POLA1: variants seen among roughly 807,000 people sequenced by gnomAD.
POLA1 encodes DNA polymerase alpha 1, catalytic subunit.
In POLA1, 15 loss-of-function variants were observed where a neutral mutation model predicts 124.0. The ratio of observed to expected loss-of-function variants is 0.12; its 90% CI spans 0.08 to 0.19. The LOEUF is 0.19. Ranked by LOEUF, POLA1 falls within the 10% of genes least tolerant of loss-of-function variation. The probability of loss-of-function intolerance (pLI) is 1.00; values close to 1 mark genes in which losing one functional copy is unlikely to be tolerated. For missense variants in POLA1, 886 were observed against 1,103.4 expected (o/e 0.80, Z 2.79); for synonymous variants, 408 against 389.4 (o/e 1.05, Z -0.56).
chrX:24,754,097 C>T (rs1932465004), intron 26 of POLA1, among the ~76,000 whole-genome samples: 1 of 111,845 alleles, frequency 8.9e-6, no homozygotes, highest in Middle Eastern at 4.2e-3. Context: ...GGAAATGGCA[C>T]TAGGACAGAG....
At chrX:24,956,120 C>G (rs915325310) in intron 36 of POLA1, among the ~76,000 whole-genome samples, 2 of 107,876 alleles carry the variant, frequency 1.9e-5, no homozygotes, top group African/African-American at 3.4e-5. Context: ...ATAGTGAGAC[C>G]CCACCTCTTA....
intron 26 of POLA1, among the ~76,000 whole-genome samples, chrX:24,755,864 C>A (rs1007429181): frequency 1.3e-4 from 15 of 112,215 alleles, no homozygotes; most frequent in African/African-American, 3.6e-4. Context: ...AGTTAGGAAT[C>A]TAATTGTACT....
chrX:24,949,745 T>C (rs112241493), intron 36 of POLA1, among the ~76,000 whole-genome samples: 4,450 of 107,907 alleles, frequency 0.041, 238 homozygotes, highest in African/African-American at 0.14. Flanking sequence ...TTTTTCTTTT[T>C]TTTTTTTAAG....
chrX:24,836,681 T>C (rs1278288585), intron 32 of POLA1, among the ~76,000 whole-genome samples: 1 of 112,018 alleles, frequency 8.9e-6, no homozygotes, highest in African/African-American at 3.2e-5. Flanking sequence ...TGTTGTCCTG[T>C]TGGCTTTTCT....
intron 36 of POLA1, among the ~76,000 whole-genome samples, chrX:24,961,303 C>A (rs1460645128): frequency 8.9e-6 from 1 of 111,772 alleles, no homozygotes; most frequent in South Asian, 3.8e-4. Context: ...CCTTCTCAAT[C>A]TCTAAAATAA....
At chrX:24,992,188 G>T (rs2048542238) in intron 36 of POLA1, among the ~76,000 whole-genome samples, 1 of 111,340 alleles carries the variant, frequency 9.0e-6, no homozygotes, top group South Asian at 3.8e-4. Context: ...GCTCTCTGTA[G>T]GTCGGATGGC....
At chrX:24,749,037 T>G in intron 26 of POLA1, 45 bp downstream of exon 26, 1 of 1,052,725 alleles carries the variant, frequency 9.5e-7, no homozygotes, top group Non-Finnish European at 1.3e-6. Context: ...TGAGAGTATT[T>G]TTAACTATAC....
chrX:24,831,820 A>G (rs946313357), intron 32 of POLA1, among the ~76,000 whole-genome samples: 7 of 112,648 alleles, frequency 6.2e-5, no homozygotes, highest in African/African-American at 2.3e-4. Context: ...ATCAGCTGAT[A>G]AGAGCATCTC....
At chrX:24,974,346 A>G (rs1168512551) in intron 36 of POLA1, among the ~76,000 whole-genome samples, 2 of 111,955 alleles carry the variant, frequency 1.8e-5, no homozygotes, top group African/African-American at 6.5e-5. Context: ...AGACCCACAA[A>G]TAATGATTGG....
Position 24,703,359 on chromosome X carries a change from G to A in POLA1, c.265+12G>A, listed in dbSNP as rs769368764. On this transcript the variant is annotated intron_variant, in intron 3 of 36. Transcript: ENST00000379068. ...GATTGTGGATGATGGTAGGTGGGGC[G>A]GAGGTGGGGGCGGGGATGTTGCTTC... The A allele has an allele frequency of 2.0e-5, 22 of 1,100,202 alleles. No individual in the cohort carries two copies. Among genetic ancestry groups the A allele is most frequent in the East Asian group, 9.0e-5 (3 of 33,322 alleles). 90.7% of individuals were successfully genotyped at this position (1,100,202 alleles called of 1,213,427 possible).
intron 35 of POLA1, among the ~76,000 whole-genome samples, chrX:24,894,233 G>T (rs1263531986): frequency 8.9e-6 from 1 of 112,145 alleles, no homozygotes; most frequent in Non-Finnish European, 1.9e-5. Flanking sequence ...CCTTTTCTAG[G>T]TAGTAAATTT....
At chrX:24,907,664 A>G (rs1030044235) in intron 35 of POLA1, among the ~76,000 whole-genome samples, 1 of 112,083 alleles carries the variant, frequency 8.9e-6, no homozygotes, top group Non-Finnish European at 1.9e-5. Flanking sequence ...TGAAAGAAAG[A>G]CATTCTCAGA....
At chrX:24,844,900 C>T (rs1385576207) in intron 34 of POLA1, among the ~76,000 whole-genome samples, 1 of 111,528 alleles carries the variant, frequency 9.0e-6, no homozygotes, top group African/African-American at 3.3e-5. Context: ...TCCTCATTTA[C>T]AGGCCTCATT....
chrX:24,814,205 T>G (rs2045952830), intron 29 of POLA1, among the ~76,000 whole-genome samples: 2 of 112,545 alleles, frequency 1.8e-5, no homozygotes, highest in Middle Eastern at 4.6e-3. Flanking sequence ...AGACGCATCA[T>G]AATAGAAGTA....
intron 35 of POLA1, among the ~76,000 whole-genome samples, chrX:24,911,562 G>A (rs1352953492): frequency 9.1e-6 from 1 of 110,099 alleles, no homozygotes; most frequent in South Asian, 3.9e-4. Context: ...AGAAAAAGAA[G>A]AGTAAAAGCC....
chrX:24,875,109 G>A (rs1027351759), intron 34 of POLA1, among the ~76,000 whole-genome samples: 1 of 110,783 alleles, frequency 9.0e-6, no homozygotes, highest in African/African-American at 3.3e-5. Context: ...TCAGCCAGTT[G>A]GCAAAGAAAA....
chrX:24,972,908 A>C (rs1049120846), intron 36 of POLA1, among the ~76,000 whole-genome samples: 2 of 112,576 alleles, frequency 1.8e-5, no homozygotes, highest in African/African-American at 6.4e-5. Flanking sequence ...CATGGTTGAC[A>C]AGGCACCCAG....
At chrX:24,945,495 A>G (rs962452360) in intron 36 of POLA1, among the ~76,000 whole-genome samples, 6 of 112,489 alleles carry the variant, frequency 5.3e-5, no homozygotes, top group African/African-American at 1.6e-4. Flanking sequence ...ACTGTGTTTT[A>G]GTTTTCTTAT....
chrX:24,742,249 AC>A, intron 22 of POLA1, 128 bp downstream of exon 22: 1 of 568,808 alleles, frequency 1.8e-6, no homozygotes, highest in Admixed American at 4.5e-5. Context: ...TACTAAAGAA[AC>A]CGTGTCAAGT....
Sources: allele counts gnomAD v4.1 joint callset (sites outside exome capture counted in the v4.1 genomes callset), GRCh38; gene constraint gnomAD v4.1.1; transcripts MANE v1.5; gene names NCBI Gene and HGNC (gene_info 2026-07-23, HGNC 2026-07-21).